The following PKD1L3 variants were observed in gnomAD, a reference collection of about 807,000 sequenced individuals.
PKD1L3 encodes polycystin-1-like protein 3.
PKD1L3 carries 239 observed loss-of-function variants against 184.1 expected under a neutral mutation model. The observed-to-expected ratio is 1.30, with a 90% CI of 1.17 to 1.45. PKD1L3 has a LOEUF of 1.45. PKD1L3 is among the 40% of genes most tolerant of loss of function. PKD1L3 has a pLI of 0.00. For missense variants in PKD1L3, 2,660 were observed against 2,067.2 expected, an observed-to-expected ratio of 1.29 and a Z score of -5.56; for synonymous variants, 996 against 778.8, an observed-to-expected ratio of 1.28 and a Z score of -4.64.
At chr16:71,981,922 T>A (rs1389913505) in intron 7 of PKD1L3, 137 bp downstream of exon 7, 14 of 957,816 alleles carry the variant, frequency 1.5e-5, no homozygotes, top group Non-Finnish European at 2.1e-5. Flanking sequence ...GGAGAAGGCA[T>A]GGCAGAGGAG....
chr16:71,982,273 G>GT, intron 6 of PKD1L3, 38 bp from the exon 7 acceptor site: 1 of 534,540 alleles, frequency 1.9e-6, no homozygotes, highest in Non-Finnish European at 2.6e-6. Context: ...CCCTTGAATT[G>GT]TTTGCTTTTT....
chr16:71,999,080 G>T (rs962046044), intron 1 of PKD1L3, among the ~76,000 whole-genome samples: 2 of 151,892 alleles, frequency 1.3e-5, no homozygotes, highest in African/African-American at 4.8e-5. Flanking sequence ...GACCATCCTG[G>T]CTAACACAGT....
intron 16 of PKD1L3, among the ~76,000 whole-genome samples, chr16:71,958,579 G>A (rs1353716604): frequency 6.6e-6 from 1 of 151,568 alleles, no homozygotes; most frequent in Non-Finnish European, 1.5e-5. Context: ...TCAGGAGTTT[G>A]AGACCAGCCT....
chr16:71,983,663 CT>C (rs1180950058), intron 6 of PKD1L3, among the ~76,000 whole-genome samples: 1,725 of 100,058 alleles, frequency 0.017, 7 homozygotes, highest in Non-Finnish European at 0.024. Context: ...GATTCTCTTT[CT>C]TTTTTTTTTT....
In PKD1L3 at chr16:71,940,563, G is replaced by T. The variant is rs1039434558; in HGVS notation, c.4324+1997C>A. On this transcript the variant is annotated intron_variant, in intron 24 of 29. Transcript: ENST00000620267. The stretch of plus-strand genomic sequence containing the variant: ...CCCCCAGGCTGGAGTGCAGTGGCAC[G>T]ATCTCAGCTCACTGCAACCTCCGCC... Among the ~76,000 whole-genome samples the T allele has an allele frequency of 3.3e-5, 5 of 151,944 alleles. No homozygotes were observed. The East Asian group carries it at 9.7e-4, about 29-fold the overall frequency.
intron 4 of PKD1L3, among the ~76,000 whole-genome samples, chr16:71,988,868 T>C (rs999461935): frequency 6.6e-6 from 1 of 152,200 alleles, no homozygotes; most frequent in African/African-American, 2.4e-5. Context: ...TGAAATTATG[T>C]GGGGAGGCTT....
At chr16:71,998,481 C>T (rs2040866265) in intron 1 of PKD1L3, 87 bp from the exon 2 acceptor site, 2 of 1,461,700 alleles carry the variant, frequency 1.4e-6, no homozygotes, top group African/African-American at 1.4e-5. Context: ...GAGACAGTCC[C>T]ACTCAGTCAC....
chr16:71,991,337 G>C (rs2040582425), intron 3 of PKD1L3: 2 of 214,006 alleles, frequency 9.3e-6, no homozygotes, highest in Admixed American at 9.1e-5. Context: ...CACCCACCAT[G>C]ATGATGGAGA....
intron 16 of PKD1L3, among the ~76,000 whole-genome samples, chr16:71,962,415 G>A (rs1021713093): frequency 6.6e-6 from 1 of 152,192 alleles, no homozygotes; most frequent in Admixed American, 6.5e-5. Context: ...AGATACAGAA[G>A]TTGATACGTA....
At position 71,980,018 on chromosome 16, in the gene PKD1L3, C is replaced by T; in HGVS notation, c.1260G>A (p.Leu420=). The change falls in exon 8 of 30, where the codon CTG becomes CTA. Residue 420 remains leucine (L), a synonymous_variant. Transcript: ENST00000620267. The part of the protein sequence containing the change: ...SVTLTSANAT[L]LLSRQNISTL... ...TTCTTCCCATTAACCTGCTCAGCAG[C>T]AGAGTAGCATTGGCAGAGGTCAAAG... 1 of 1,552,126 alleles carries T rather than the reference C, an allele frequency of 6.4e-7. No homozygotes were observed. Among genetic ancestry groups the T allele is most frequent in the Non-Finnish European group, 8.7e-7 (1 of 1,147,090 alleles).
intron 6 of PKD1L3, 40 bp downstream of exon 6, chr16:71,983,996 T>C: frequency 6.5e-7 from 1 of 1,546,026 alleles, no homozygotes; most frequent in South Asian, 1.2e-5. Context: ...CGCTTTTCCC[T>C]CTCTCCTACC....
At chr16:71,985,990 C>A (rs1318736592) in intron 5 of PKD1L3, among the ~76,000 whole-genome samples, 1 of 152,232 alleles carries the variant, frequency 6.6e-6, no homozygotes, top group Non-Finnish European at 1.5e-5. Context: ...TCTTCCCCAT[C>A]TGAAGCATTA....
At position 71,975,216 on chromosome 16, in the gene PKD1L3, C is replaced by G. The variant is rs7199010; in HGVS notation, c.1760-1699G>C. 5.4e-4 allele frequency among the ~76,000 whole-genome samples: 66 copies of G among 123,280 alleles called. 1 individual carries two copies. The South Asian group carries it at 0.023, about 42-fold the overall frequency. 80.9% of individuals were successfully genotyped at this position (123,280 alleles called of 152,430 possible). A position where few individuals can be genotyped will look rare whatever the true frequency, so the allele number is the denominator to read the frequency against. ...GACTACAGGTGCACGCCACCACGCT[C>G]GGCTAATTTTTTTTTTTTTTTTGTG... is the stretch of plus-strand genomic sequence containing the variant. On this transcript the variant is annotated intron_variant, in intron 11 of 29. Coordinates refer to ENST00000620267, the MANE Select transcript of PKD1L3 (RefSeq NM_181536.2).
At chr16:71,963,375 C>T in intron 15 of PKD1L3, 24 bp from the exon 16 acceptor site, 1 of 1,527,928 alleles carries the variant, frequency 6.5e-7, no homozygotes, top group Non-Finnish European at 8.8e-7. Context: ...AAGATAACCA[C>T]ATTAGGGAGA....
chr16:71,933,506 C>G lies in PKD1L3; in HGVS notation c.4840G>C (p.Gly1614Arg). The stretch of plus-strand genomic sequence containing the variant: ...GTCCGGTAGTCAGAGATGCTGCATC[C>G]AAACAGCAGGTTAAACTGAACAGAA... ...GYAIAFNLLFGCSISDYRTFF... is the reference protein window; with the variant it reads ...GYAIAFNLLFRCSISDYRTFF... Residue 1614 changes from glycine (G) to arginine (R), a missense_variant, in exon 28 of 30, where the codon GGA (glycine) becomes CGA (arginine). Gly to Arg is a moderately radical substitution (Grantham distance 125). Coordinates refer to ENST00000620267, the MANE Select transcript of PKD1L3 (RefSeq NM_181536.2). 1 of 1,551,116 alleles carries G rather than the reference C, an allele frequency of 6.4e-7. No individual in the cohort carries two copies.
At chr16:71,990,758 G>C (rs902214527) in intron 3 of PKD1L3, among the ~76,000 whole-genome samples, 2 of 149,010 alleles carry the variant, frequency 1.3e-5, no homozygotes, top group African/African-American at 4.9e-5. Flanking sequence ...AAAAAATAAA[G>C]GTAAGGAAGG....
At chr16:71,961,784 T>C (rs916264805) in intron 16 of PKD1L3, among the ~76,000 whole-genome samples, 1 of 152,216 alleles carries the variant, frequency 6.6e-6, no homozygotes, top group Non-Finnish European at 1.5e-5. Flanking sequence ...CATGGTTGTT[T>C]TAATCCACTC....
At chr16:71,983,142 T>G (rs1231014189) in intron 6 of PKD1L3, among the ~76,000 whole-genome samples, 4 of 152,076 alleles carry the variant, frequency 2.6e-5, no homozygotes, top group Admixed American at 2.0e-4. Context: ...AGACCAATGC[T>G]GAGTTTTTTG....
chr16:71,947,343 G>A, intron 22 of PKD1L3, 149 bp downstream of exon 22: 2 of 597,288 alleles, frequency 3.3e-6, no homozygotes, highest in South Asian at 4.0e-5. Context: ...TCCTCATCTG[G>A]AAGGGCATTA....
Sources: allele counts gnomAD v4.1 joint callset (sites outside exome capture counted in the v4.1 genomes callset), GRCh38; gene constraint gnomAD v4.1.1; transcripts MANE v1.5; gene names NCBI Gene and HGNC (gene_info 2026-07-23, HGNC 2026-07-21).